DOCK10: variants seen among roughly 807,000 people sequenced by gnomAD.
DOCK10 encodes dedicator of cytokinesis protein 10.
DOCK10 carries 145 observed loss-of-function variants against 280.1 expected under a neutral mutation model. That is an observed-to-expected ratio of 0.52 (90% confidence interval 0.45 to 0.59). DOCK10 has a LOEUF of 0.59. DOCK10 is among the 20% of genes least tolerant of loss of function. The pLI is 0.00. For missense variants in DOCK10, 2,368 were observed against 2,651.7 expected, an observed-to-expected ratio of 0.89 and a Z score of 2.35; for synonymous variants, 915 against 942.2, an observed-to-expected ratio of 0.97 and a Z score of 0.53.
At chr2:224,794,302 T>G (rs771987973) in intron 45 of DOCK10, among the ~76,000 whole-genome samples, 14 of 152,256 alleles carry the variant, frequency 9.2e-5, no homozygotes, top group Non-Finnish European at 1.6e-4. Context: ...CATTTGGTAC[T>G]AAGAAGACCT....
At chr2:224,917,193 C>T (rs1034458291) in intron 2 of DOCK10, among the ~76,000 whole-genome samples, 38 of 145,334 alleles carry the variant, frequency 2.6e-4, no homozygotes, top group African/African-American at 9.2e-4. Flanking sequence ...GCAACCTCCG[C>T]CTCCCAGGTT....
intron 1 of DOCK10, among the ~76,000 whole-genome samples, chr2:224,987,673 G>A (rs1706009125): frequency 1.3e-5 from 2 of 152,166 alleles, no homozygotes; most frequent in African/African-American, 4.8e-5. Context: ...GTCTGACCAA[G>A]TGAAGGAGAG....
intron 1 of DOCK10, among the ~76,000 whole-genome samples, chr2:225,000,287 C>T: frequency 6.6e-6 from 1 of 152,024 alleles, no homozygotes; most frequent in Admixed American, 6.6e-5. Flanking sequence ...TGACTTCAGT[C>T]TTATTGCTGC....
intron 30 of DOCK10, among the ~76,000 whole-genome samples, chr2:224,815,210 G>A (rs1042678585): frequency 2.6e-5 from 4 of 152,002 alleles, no homozygotes; most frequent in Admixed American, 6.6e-5. Flanking sequence ...CTCTCCTGCC[G>A]CCATGTGAAG....
At chr2:224,887,616 A>G (rs922056283) in intron 4 of DOCK10, among the ~76,000 whole-genome samples, 2 of 152,182 alleles carry the variant, frequency 1.3e-5, no homozygotes, top group African/African-American at 4.8e-5. Context: ...CCTTTACTAT[A>G]TAAACTCCCA....
chr2:225,026,990 T>G (rs1689937643), intron 1 of DOCK10, among the ~76,000 whole-genome samples: 1 of 152,158 alleles, frequency 6.6e-6, no homozygotes, highest in Admixed American at 6.6e-5. Context: ...TTCAGAGTAG[T>G]GATGATTGAG....
intron 14 of DOCK10, among the ~76,000 whole-genome samples, chr2:224,857,536 G>C (rs939235493): frequency 6.6e-6 from 1 of 152,180 alleles, no homozygotes; most frequent in Admixed American, 6.5e-5. Flanking sequence ...TTGTTTTAAA[G>C]AAAGAGAACA....
rs187443221 is a variant in DOCK10, at chr2:224,935,919, T to C, written c.124-4251A>G. 3.3e-5 allele frequency among the ~76,000 whole-genome samples: 5 copies of C among 152,330 alleles called. No individual in the cohort carries two copies. The East Asian group carries it at 9.6e-4, about 29-fold the overall frequency. Reference sequence around the variant, plus strand: ...AAGCACACATATAATCCAAGATTTATACGAGGATGTCTTTGCAATATTATC... The same window carrying C: ...AAGCACACATATAATCCAAGATTTACACGAGGATGTCTTTGCAATATTATC... On this transcript the variant is annotated intron_variant, in intron 1 of 55. Coordinates refer to ENST00000258390, the MANE Select transcript of DOCK10 (RefSeq NM_014689.3).
At chr2:224,910,070 A>G (rs145008120) in intron 3 of DOCK10, among the ~76,000 whole-genome samples, 45 of 152,334 alleles carry the variant, frequency 3.0e-4, no homozygotes, top group African/African-American at 1.1e-3. Flanking sequence ...TGTTGAAACT[A>G]GATTCTTGCC....
intron 4 of DOCK10, among the ~76,000 whole-genome samples, chr2:224,890,819 C>G (rs765286545): frequency 4.6e-5 from 7 of 152,066 alleles, no homozygotes; most frequent in Non-Finnish European, 7.4e-5. Context: ...TAACATTGTT[C>G]TGTTATCTCA....
chr2:224,804,325 G>T, intron 38 of DOCK10, 112 bp from the exon 39 acceptor site: 1 of 603,994 alleles, frequency 1.7e-6, no homozygotes. Context: ...CACATGCTGT[G>T]AATTAATCAA....
chr2:224,779,222 C>CTT (rs113624569), intron 50 of DOCK10, among the ~76,000 whole-genome samples: 3,892 of 143,202 alleles, frequency 0.027, 177 homozygotes, highest in African/African-American at 0.089. Flanking sequence ...TATCTGGTTT[C>CTT]TTTTTTTTTT....
At chr2:225,000,797 G>A (rs1706410483) in intron 1 of DOCK10, among the ~76,000 whole-genome samples, 1 of 152,162 alleles carries the variant, frequency 6.6e-6, no homozygotes, top group Non-Finnish European at 1.5e-5. Context: ...CTGGCCTGGT[G>A]AAACCTCGTC....
intron 25 of DOCK10, among the ~76,000 whole-genome samples, chr2:224,835,945 C>T (rs529192975): frequency 2.0e-5 from 3 of 152,286 alleles, no homozygotes; most frequent in South Asian, 2.1e-4. Context: ...ATAAAGGTCA[C>T]GCCAGGATGC....
chr2:224,807,718 T>C lies in DOCK10; in HGVS notation c.3652A>G (p.Arg1218Gly), dbSNP rs1451242780. The C allele has an allele frequency of 6.4e-7, 1 of 1,573,502 alleles. No homozygotes were observed. The highest frequency in any genetic ancestry group is 1.9e-5 in the Admixed American group (1 of 53,982). ...LYGMLLDNMPRIYLKDLYPFT... is the reference protein window; with the variant it reads ...LYGMLLDNMPGIYLKDLYPFT... ...GGATACAGGTCCTTCAGATAAATCC[T>C]TGGCATATTGTCCAGGAGCATGCCG... Residue 1218 changes from arginine to glycine, a missense_variant, in exon 33 of 56, where the codon AGG (arginine) becomes GGG (glycine). Transcript: ENST00000258390.
intron 26 of DOCK10, among the ~76,000 whole-genome samples, chr2:224,832,736 A>C (rs1018055116): frequency 6.6e-6 from 1 of 152,176 alleles, no homozygotes; most frequent in African/African-American, 2.4e-5. Context: ...CATCGTGTCA[A>C]GTGTTCCAAC....
chr2:224,936,444 C>T (rs1004872702), intron 1 of DOCK10, among the ~76,000 whole-genome samples: 5 of 151,946 alleles, frequency 3.3e-5, no homozygotes, highest in African/African-American at 1.2e-4. Context: ...AGAGTTTGAG[C>T]CCAGAATACC....
chr2:224,948,583 C>A (rs1703557305), intron 1 of DOCK10, among the ~76,000 whole-genome samples: 1 of 152,072 alleles, frequency 6.6e-6, no homozygotes, highest in Non-Finnish European at 1.5e-5. Context: ...TCTGGATCAC[C>A]TGATTTCCTG....
At chr2:224,831,716 C>T (rs1695249537) in intron 26 of DOCK10, among the ~76,000 whole-genome samples, 1 of 152,184 alleles carries the variant, frequency 6.6e-6, no homozygotes, top group Non-Finnish European at 1.5e-5. Flanking sequence ...GTCCAGCCTG[C>T]ACATCTGAGT....
Sources: gnomAD v4.1 joint callset for allele counts (sites outside exome capture counted in the v4.1 genomes callset) on GRCh38, gnomAD v4.1.1 for gene constraint, MANE v1.5 for transcripts, NCBI Gene and HGNC (gene_info 2026-07-23, HGNC 2026-07-21) for gene names.